CLMN: variants seen among roughly 807,000 people sequenced by gnomAD.
CLMN encodes calmin (calponin-like, transmembrane).
CLMN carries 57 observed loss-of-function variants against 92.7 expected under a neutral mutation model. The observed-to-expected ratio is 0.61, with a 90% CI of 0.50 to 0.77. CLMN has a LOEUF of 0.77. Among genes scored for constraint, CLMN ranks in the 30% least tolerant of loss-of-function variants. The pLI is 0.00. For synonymous variants in CLMN, 466 were observed against 470.6 expected, an observed-to-expected ratio of 0.99 and a Z score of 0.13; for missense variants, 1,158 against 1,237.5, an observed-to-expected ratio of 0.94 and a Z score of 0.96.
intron 4 of CLMN, 37 bp downstream of exon 4, chr14:95,221,654 C>T (rs1217255348): frequency 1.9e-6 from 3 of 1,568,266 alleles, no homozygotes; most frequent in South Asian, 2.2e-5. Flanking sequence ...CCTAACAGGA[C>T]AAGCTTGTGT....
intron 1 of CLMN, among the ~76,000 whole-genome samples, chr14:95,300,027 C>G (rs112792326): frequency 1.5e-4 from 23 of 152,340 alleles, no homozygotes; most frequent in African/African-American, 5.5e-4. Flanking sequence ...AATTTCACCC[C>G]AACATAGAGA....
intron 1 of CLMN, among the ~76,000 whole-genome samples, chr14:95,242,341 C>T (rs142272940): frequency 1.0e-3 from 149 of 147,170 alleles, no homozygotes; most frequent in African/African-American, 3.4e-3. Flanking sequence ...TCACTGCAAC[C>T]TCCACCTTCC....
At chr14:95,209,246 G>A (rs1897127718) in intron 8 of CLMN, 149 bp downstream of exon 8, 2 of 703,968 alleles carry the variant, frequency 2.8e-6, no homozygotes, top group Admixed American at 3.9e-5. Flanking sequence ...ATTAAAACAT[G>A]GTAAGGCCGT....
chr14:95,291,336 C>T (rs552258036), intron 1 of CLMN, among the ~76,000 whole-genome samples: 2 of 152,288 alleles, frequency 1.3e-5, no homozygotes, highest in South Asian at 2.1e-4. Context: ...ACAGATTTAT[C>T]CCGCCCACAT....
chr14:95,235,910 G>A (rs1898038587), intron 1 of CLMN, among the ~76,000 whole-genome samples: 1 of 152,170 alleles, frequency 6.6e-6, no homozygotes, highest in African/African-American at 2.4e-5. Flanking sequence ...CAGGCTCCCT[G>A]AACCTGCCAC....
intron 8 of CLMN, among the ~76,000 whole-genome samples, chr14:95,206,851 T>C (rs1352502787): frequency 6.6e-6 from 1 of 152,248 alleles, no homozygotes; most frequent in Non-Finnish European, 1.5e-5. Context: ...TTTCAAACTC[T>C]GCCTACAGAT....
intron 6 of CLMN, among the ~76,000 whole-genome samples, chr14:95,212,527 C>T (rs561399008): frequency 6.6e-6 from 1 of 152,208 alleles, no homozygotes; most frequent in South Asian, 2.1e-4. Context: ...TTGGAAGGTC[C>T]GACCTAACTT....
At chr14:95,283,808 G>A (rs1900232972) in intron 1 of CLMN, among the ~76,000 whole-genome samples, 1 of 152,218 alleles carries the variant, frequency 6.6e-6, no homozygotes, top group African/African-American at 2.4e-5. Flanking sequence ...TATAAGGGAA[G>A]CAGAGCATAA....
intron 2 of CLMN, among the ~76,000 whole-genome samples, chr14:95,227,685 T>C (rs1215701562): frequency 1.3e-5 from 2 of 152,186 alleles, no homozygotes; most frequent in African/African-American, 4.8e-5. Context: ...AAATTGAACC[T>C]GCGCCAGGGA....
intron 1 of CLMN, among the ~76,000 whole-genome samples, chr14:95,245,631 G>GAT (rs1898525298): frequency 6.9e-6 from 1 of 145,540 alleles, no homozygotes. Flanking sequence ...TGGGTGAGTG[G>GAT]GTGGATGGAT....
chr14:95,223,294 A>T (rs1209276888), intron 3 of CLMN, among the ~76,000 whole-genome samples: 8 of 152,316 alleles, frequency 5.3e-5, no homozygotes, highest in East Asian at 1.9e-4. Context: ...TGCAACATGG[A>T]GAAGTCTGGC....
Position 95,256,355 on chromosome 14 carries a change from T to C in CLMN, c.83-26222A>G, listed in dbSNP as rs1484341005. Among the ~76,000 whole-genome samples, 1 of 152,240 alleles carries C rather than the reference T, an allele frequency of 6.6e-6. No homozygotes were observed. The highest frequency in any genetic ancestry group is 1.9e-4 in the East Asian group (1 of 5,198). On this transcript the variant is annotated intron_variant, in intron 1 of 12. Coordinates refer to ENST00000298912, the MANE Select transcript of CLMN (RefSeq NM_024734.4). The surrounding 1 kb of genome is among the most constrained non-coding windows in gnomAD (Gnocchi z 4.9). ...TAATGGGATGGAACCCTCCTTGTTT[T>C]GTCAGCAACAATGAATCTTGGCTGA...
chr14:95,255,557 G>C (rs1258152903), intron 1 of CLMN, among the ~76,000 whole-genome samples: 4 of 152,118 alleles, frequency 2.6e-5, no homozygotes, highest in Non-Finnish European at 4.4e-5. Flanking sequence ...CATCCCTGGG[G>C]GCTCTTGGAA....
chr14:95,250,849 A>T (rs1437332770), intron 1 of CLMN, among the ~76,000 whole-genome samples: 1 of 152,204 alleles, frequency 6.6e-6, no homozygotes, highest in Admixed American at 6.5e-5. Context: ...TCTGAAAAAC[A>T]TAGGGGGACT....
intron 1 of CLMN, among the ~76,000 whole-genome samples, chr14:95,242,685 A>G (rs1369925514): frequency 6.6e-6 from 1 of 151,912 alleles, no homozygotes; most frequent in Non-Finnish European, 1.5e-5. Context: ...CTCCTGCCTC[A>G]GCCTCCCAAG....
chr14:95,254,625 C>A (rs146688415), intron 1 of CLMN, among the ~76,000 whole-genome samples: 1 of 152,184 alleles, frequency 6.6e-6, no homozygotes, highest in East Asian at 1.9e-4. Flanking sequence ...TGTTCTCCCC[C>A]ACCCTCCCAC....
intron 1 of CLMN, among the ~76,000 whole-genome samples, chr14:95,245,698 GGA>G: frequency 7.3e-5 from 11 of 150,978 alleles, no homozygotes; most frequent in African/African-American, 1.2e-4. Flanking sequence ...GTGGGTGGAT[GGA>G]TGGATGGATG....
At chr14:95,208,268 T>G (rs965362776) in intron 8 of CLMN, among the ~76,000 whole-genome samples, 1 of 152,120 alleles carries the variant, frequency 6.6e-6, no homozygotes, top group African/African-American at 2.4e-5. Flanking sequence ...CTGAGTCCCC[T>G]AAGCCAGGGG....
At chr14:95,197,313 A>C (rs1353800115) in intron 9 of CLMN, among the ~76,000 whole-genome samples, 1 of 151,908 alleles carries the variant, frequency 6.6e-6, no homozygotes, top group African/African-American at 2.4e-5. Context: ...AGAAGAAAGA[A>C]GAAAGGACAA....
Sources: gnomAD v4.1 joint callset for allele counts (sites outside exome capture counted in the v4.1 genomes callset) on GRCh38, gnomAD v4.1.1 for gene constraint, Gnocchi (gnomAD v3.1) non-coding constraint, MANE v1.5 for transcripts, NCBI Gene and HGNC (gene_info 2026-07-23, HGNC 2026-07-21) for gene names.